The following CT55 variants were observed in gnomAD, a reference collection of about 807,000 sequenced individuals.
CT55 encodes cancer/testis antigen 55, also known as BRCA2-interacting protein.
A neutral mutation model predicts 12.6 loss-of-function variants in CT55; 1 was observed. The observed-to-expected ratio is 0.08, with a 90% CI of 0.03 to 0.38. The LOEUF is 0.38. Ranked by LOEUF, CT55 falls within the 10% of genes least tolerant of loss-of-function variation. The pLI is 0.99. For missense variants in CT55, 109 were observed against 135.4 expected (o/e 0.80, Z 0.97); for synonymous variants, 43 against 49.7 (o/e 0.87, Z 0.57).
chrX:135,170,092 T>C (rs1232220958), intron 1 of CT55, among the ~76,000 whole-genome samples: 1 of 111,975 alleles, frequency 8.9e-6, no homozygotes, highest in African/African-American at 3.2e-5. Flanking sequence ...CGGCAACCTC[T>C]GCCTCCTGGG....
rs148702352 is a variant in CT55 at position 135,162,473 on chromosome X, T to G, written c.280-1918A>C. 5.0e-3 allele frequency among the ~76,000 whole-genome samples: 563 copies of G among 112,247 alleles called. 4 individuals are homozygous for G. Among genetic ancestry groups the G allele is most frequent in the African/African-American group, 0.016 (488 of 30,897 alleles). Reference sequence around the variant, plus strand: ...ACATCAATGTGAAAAACTATCCTTGTATGAAAATATCGTCACTTGACATAA... The same window carrying G: ...ACATCAATGTGAAAAACTATCCTTGGATGAAAATATCGTCACTTGACATAA... On this transcript the variant is annotated intron_variant, in intron 2 of 5. Coordinates refer to ENST00000276241, the MANE Select transcript of CT55 (RefSeq NM_001031705.3).
Position 135,163,449 on chromosome X carries a change from T to C in CT55, c.280-2894A>G, listed in dbSNP as rs782530063. ...ACGATAGAGAACATCCAAAGAAGAA[T>C]TGATTGAGCAAAAGAAAGAATCTGT... On this transcript the variant is annotated intron_variant, in intron 2 of 5. Coordinates refer to ENST00000276241, the MANE Select transcript of CT55 (RefSeq NM_001031705.3). Among the ~76,000 whole-genome samples, 8 of 111,410 alleles carry C rather than the reference T, an allele frequency of 7.2e-5. No homozygotes were observed. In the South Asian group the frequency reaches 2.3e-3, roughly 32 times the overall value.
intron 2 of CT55, among the ~76,000 whole-genome samples, chrX:135,167,880 G>A (rs1189067883): frequency 1.8e-5 from 2 of 110,977 alleles, no homozygotes; most frequent in Non-Finnish European, 3.8e-5. Context: ...AATGCATATC[G>A]GAACCACAGA....
intron 3 of CT55, among the ~76,000 whole-genome samples, chrX:135,158,964 T>C (rs1280687891): frequency 8.9e-6 from 1 of 112,354 alleles, no homozygotes; most frequent in African/African-American, 3.2e-5. Context: ...TAATGAACTC[T>C]TAAGTATGTG....
chrX:135,166,878 A>T (rs2148444823), intron 2 of CT55, among the ~76,000 whole-genome samples: 1 of 112,059 alleles, frequency 8.9e-6, no homozygotes, highest in South Asian at 3.8e-4. Flanking sequence ...TTAAAATAGG[A>T]ATAAATTTAA....
rs2083549853 is a variant in CT55, at chrX:135,158,966, A to C, written c.425-655T>G. On this transcript the variant is annotated intron_variant, in intron 3 of 5. Coordinates refer to ENST00000276241, the MANE Select transcript of CT55 (RefSeq NM_001031705.3). ...TGTTGTGTTCAACTAATGAACTCTT[A>C]AGTATGTGCCTTACAGGTTACAGTT... 3.6e-5 allele frequency among the ~76,000 whole-genome samples: 4 copies of C among 112,249 alleles called. No homozygotes were observed. In the Admixed American group the frequency reaches 3.8e-4, roughly 11 times the overall value.
At chrX:135,160,595 A>G in intron 2 of CT55, 40 bp from the exon 3 acceptor site, 1 of 1,153,092 alleles carries the variant, frequency 8.7e-7, no homozygotes, top group Non-Finnish European at 1.2e-6. Flanking sequence ...AAAACAATAC[A>G]AATTTAAACA....
At chrX:135,160,311 C>T in intron 3 of CT55, 100 bp downstream of exon 3, 1 of 863,797 alleles carries the variant, frequency 1.2e-6, no homozygotes, top group Non-Finnish European at 1.6e-6. Context: ...CACTGAAGAG[C>T]CATTGACTGA....
chrX:135,165,925 TA>T (rs1218891394), intron 2 of CT55, among the ~76,000 whole-genome samples: 1 of 98,209 alleles, frequency 1.0e-5, no homozygotes, highest in Non-Finnish European at 2.0e-5. Flanking sequence ...GATTCAGTAA[TA>T]AAAAATCCCC....
intron 3 of CT55, among the ~76,000 whole-genome samples, chrX:135,160,175 GTA>G (rs2083556681): frequency 9.0e-6 from 1 of 111,486 alleles, no homozygotes; most frequent in Admixed American, 9.6e-5. Flanking sequence ...TGAATGAATA[GTA>G]TATCCAGGCA....
At chrX:135,166,108 A>G (rs1303971592) in intron 2 of CT55, among the ~76,000 whole-genome samples, 1 of 105,759 alleles carries the variant, frequency 9.5e-6, no homozygotes, top group African/African-American at 3.4e-5. Flanking sequence ...GTCACAACGC[A>G]TTACCCTGGT....
At chrX:135,171,562 T>C (rs191852282), upstream of CT55, among the ~76,000 whole-genome samples, 120 of 111,751 alleles carry the variant, frequency 1.1e-3, 1 homozygote, top group Non-Finnish European at 2.0e-3. Context: ...GGAAAATGGC[T>C]TGGGAGCTTG....
At chrX:135,158,778 A>G (rs782131980) in intron 3 of CT55, among the ~76,000 whole-genome samples, 18 of 112,564 alleles carry the variant, frequency 1.6e-4, no homozygotes. Flanking sequence ...CACAGTAAGT[A>G]GCCTTCATGG....
chrX:135,165,206 G>A (rs2083578178), intron 2 of CT55, among the ~76,000 whole-genome samples: 1 of 112,090 alleles, frequency 8.9e-6, no homozygotes, highest in African/African-American at 3.2e-5. Flanking sequence ...AGCAAATTAA[G>A]GGAATTTGAA....
At chrX:135,167,244 C>T (rs781928764) in intron 2 of CT55, among the ~76,000 whole-genome samples, 19 of 111,650 alleles carry the variant, frequency 1.7e-4, no homozygotes, top group Non-Finnish European at 2.6e-4. Context: ...AGTATAAAAA[C>T]GGACACATCA....
At chrX:135,161,349 C>G (rs1445042761) in intron 2 of CT55, among the ~76,000 whole-genome samples, 20 of 111,530 alleles carry the variant, frequency 1.8e-4, no homozygotes, top group African/African-American at 5.6e-4. Context: ...AGCAGTTACC[C>G]CACAATCCAT....
intron 2 of CT55, among the ~76,000 whole-genome samples, chrX:135,164,489 A>G (rs1428388306): frequency 1.4e-4 from 16 of 112,065 alleles, no homozygotes; most frequent in Admixed American, 5.7e-4. Context: ...TTATCCATCA[A>G]TGAAAACAGT....
At chrX:135,166,304 T>C (rs2083585005) in intron 2 of CT55, among the ~76,000 whole-genome samples, 1 of 111,287 alleles carries the variant, frequency 9.0e-6, no homozygotes, top group South Asian at 3.8e-4. Flanking sequence ...AGTTTCAACA[T>C]ACACAAATCA....
intron 2 of CT55, among the ~76,000 whole-genome samples, chrX:135,168,752 G>A (rs2083597223): frequency 1.8e-5 from 2 of 111,827 alleles, no homozygotes; most frequent in Non-Finnish European, 3.8e-5. Flanking sequence ...CAATAATGCT[G>A]TAAAAGAATG....
Sources: gnomAD v4.1 joint callset for allele counts (sites outside exome capture counted in the v4.1 genomes callset) on GRCh38, gnomAD v4.1.1 for gene constraint, MANE v1.5 for transcripts, NCBI Gene and HGNC (gene_info 2026-07-23, HGNC 2026-07-21) for gene names.